The following FHIT variants were observed in gnomAD, a reference collection of about 807,000 sequenced individuals.
FHIT encodes the protein bis(5'-adenosyl)-triphosphatase.
Under a neutral mutation model 17.9 loss-of-function variants are expected in FHIT, and 19 were observed. The observed-to-expected ratio is 1.06, with a 90% CI of 0.74 to 1.56. The LOEUF (loss-of-function observed/expected upper bound fraction) is 1.56, where lower values mean the gene tolerates loss of function less well. Among genes scored for constraint, FHIT ranks in the 40% most tolerant of loss-of-function variants. The probability of loss-of-function intolerance (pLI) is 0.00; values close to 1 mark genes in which losing one functional copy is unlikely to be tolerated. For missense variants in FHIT, 248 were observed against 189.2 expected (o/e 1.31, Z -1.82); for synonymous variants, 81 against 69.7 (o/e 1.16, Z -0.81).
At chr3:60,021,982 T>G (rs138374261) in intron 5 of FHIT, among the ~76,000 whole-genome samples, 178 of 152,348 alleles carry the variant, frequency 1.2e-3, no homozygotes, top group African/African-American at 4.1e-3. Flanking sequence ...TCAGCATATT[T>G]ACTGTACTAC....
chr3:60,648,876 A>G (rs1698778034), intron 4 of FHIT, among the ~76,000 whole-genome samples: 1 of 152,144 alleles, frequency 6.6e-6, no homozygotes, highest in Admixed American at 6.6e-5. Flanking sequence ...TCTGAGGTTC[A>G]CTCAGTGATA....
chr3:60,384,897 A>G (rs551534215), intron 5 of FHIT, among the ~76,000 whole-genome samples: 56 of 152,210 alleles, frequency 3.7e-4, no homozygotes, highest in Admixed American at 9.8e-4. Context: ...TGAGAAGTCT[A>G]AATTTACGTT....
chr3:60,244,816 T>C (rs1338306225), intron 5 of FHIT, among the ~76,000 whole-genome samples: 3 of 152,162 alleles, frequency 2.0e-5, no homozygotes, highest in Non-Finnish European at 4.4e-5. Flanking sequence ...TTGATCAGCG[T>C]GGCTTTTAAT....
intron 2 of FHIT, among the ~76,000 whole-genome samples, chr3:61,176,312 G>C (rs970512078): frequency 1.3e-5 from 2 of 152,246 alleles, no homozygotes; most frequent in African/African-American, 4.8e-5. Flanking sequence ...ATTCTGAAGA[G>C]AGCATAAAGA....
intron 3 of FHIT, among the ~76,000 whole-genome samples, chr3:61,025,112 T>C (rs1167599177): frequency 6.6e-6 from 1 of 152,222 alleles, no homozygotes; most frequent in African/African-American, 2.4e-5. Flanking sequence ...AACATATTCT[T>C]ATGTGCAAAA....
chr3:60,535,053 G>A (rs2611411), intron 5 of FHIT, among the ~76,000 whole-genome samples: 109,856 of 152,074 alleles, frequency 0.72, 40,040 homozygotes, highest in African/African-American at 0.81. Context: ...GCAAAACCCC[G>A]TCTCTACTAA....
At chr3:60,174,490 C>A (rs1201763288) in intron 5 of FHIT, among the ~76,000 whole-genome samples, 1 of 152,058 alleles carries the variant, frequency 6.6e-6, no homozygotes, top group Non-Finnish European at 1.5e-5. Context: ...ACACTGTTGG[C>A]CTTTCTAACT....
rs565621197 is a variant in FHIT at position 59,895,489 on chromosome 3, C to T, written c.348+26857G>A. Among the ~76,000 whole-genome samples the T allele has an allele frequency of 9.2e-5, 14 of 152,322 alleles. No individual in the cohort carries two copies. In the South Asian group the frequency reaches 2.9e-3, roughly 32 times the overall value. ...ACAGAGAAGACATATCAGAACATGA[C>T]TTTGCTTATTTGGGCATCTAGCACA... On this transcript the variant is annotated intron_variant, in intron 8 of 9. Coordinates refer to ENST00000492590, the MANE Select transcript of FHIT (RefSeq NM_002012.4).
chr3:61,092,789 T>C (rs1371790415), intron 2 of FHIT, among the ~76,000 whole-genome samples: 5 of 152,204 alleles, frequency 3.3e-5, no homozygotes, highest in African/African-American at 4.8e-5. Flanking sequence ...AATTTTTTTG[T>C]GGATGATGAT....
At chr3:60,360,998 T>G (rs145944293) in intron 5 of FHIT, among the ~76,000 whole-genome samples, 1 of 152,300 alleles carries the variant, frequency 6.6e-6, no homozygotes, top group East Asian at 1.9e-4. Flanking sequence ...CCCCACAAAT[T>G]CATATACCTC....
chr3:60,560,245 C>A (rs1050998556), intron 4 of FHIT, among the ~76,000 whole-genome samples: 3 of 152,058 alleles, frequency 2.0e-5, no homozygotes, highest in Admixed American at 6.5e-5. Context: ...AAGTGCCTGT[C>A]TTGTATTATT....
At chr3:60,644,071 T>C (rs994941359) in intron 4 of FHIT, among the ~76,000 whole-genome samples, 3 of 152,180 alleles carry the variant, frequency 2.0e-5, no homozygotes, top group African/African-American at 7.2e-5. Context: ...GGAAATGTGT[T>C]TCCCTCACAT....
intron 8 of FHIT, among the ~76,000 whole-genome samples, chr3:59,756,279 A>T (rs1701214659): frequency 6.6e-6 from 1 of 152,182 alleles, no homozygotes; most frequent in Admixed American, 6.5e-5. Context: ...ACTTATTATA[A>T]TGAGACACTC....
intron 2 of FHIT, among the ~76,000 whole-genome samples, chr3:61,172,391 CA>C (rs2038031547): frequency 6.6e-6 from 1 of 152,040 alleles, no homozygotes; most frequent in Non-Finnish European, 1.5e-5. Context: ...AGGAAAAGGA[CA>C]TAAGTGTGCA....
intron 5 of FHIT, among the ~76,000 whole-genome samples, chr3:60,274,546 T>G (rs1707029963): frequency 6.6e-6 from 1 of 152,242 alleles, no homozygotes; most frequent in Non-Finnish European, 1.5e-5. Context: ...TCATAAGCTA[T>G]GTTTACAATG....
chr3:60,569,770 A>T (rs1261399101), intron 4 of FHIT, among the ~76,000 whole-genome samples: 55 of 12,684 alleles, frequency 4.3e-3, no homozygotes, highest in African/African-American at 9.5e-3. Flanking sequence ...TTTTTTTTTT[A>T]GACAGAGTTT....
At chr3:61,028,613 T>C (rs779217701) in intron 3 of FHIT, among the ~76,000 whole-genome samples, 1 of 152,200 alleles carries the variant, frequency 6.6e-6, no homozygotes, top group East Asian at 1.9e-4. Flanking sequence ...TCCAAGTTAC[T>C]TGGCCTCTCT....
intron 8 of FHIT, among the ~76,000 whole-genome samples, chr3:59,808,508 G>A (rs967507969): frequency 1.3e-5 from 2 of 152,072 alleles, no homozygotes; most frequent in Admixed American, 1.3e-4. Context: ...GTCCAACCAC[G>A]TCCACTCCTT....
chr3:60,269,501 C>T (rs1158202828), intron 5 of FHIT, among the ~76,000 whole-genome samples: 1 of 152,162 alleles, frequency 6.6e-6, no homozygotes, highest in African/African-American at 2.4e-5. Context: ...ACAAAAGTTG[C>T]TTTAGCTTAT....
Sources: allele counts gnomAD v4.1 joint callset (sites outside exome capture counted in the v4.1 genomes callset), GRCh38; gene constraint gnomAD v4.1.1; transcripts MANE v1.5; gene names NCBI Gene and HGNC (gene_info 2026-07-23, HGNC 2026-07-21).